ANKIB1: variants seen among roughly 807,000 people sequenced by gnomAD.
ANKIB1 encodes the protein ankyrin repeat and IBR domain containing 1.
A neutral mutation model predicts 122.1 loss-of-function variants in ANKIB1; 43 were observed. That is an observed-to-expected ratio of 0.35 (90% CI 0.28 to 0.45). ANKIB1 has a LOEUF of 0.45. ANKIB1 is among the 20% of genes least tolerant of loss of function. ANKIB1 has a pLI of 1.00. For missense variants in ANKIB1, 992 were observed against 1,329.5 expected (o/e 0.75, Z 3.95); for synonymous variants, 390 against 442.0 (o/e 0.88, Z 1.48).
chr7:92,354,725 A>G (rs1803750328), intron 9 of ANKIB1, among the ~76,000 whole-genome samples: 1 of 152,122 alleles, frequency 6.6e-6, no homozygotes, highest in Non-Finnish European at 1.5e-5. Flanking sequence ...TTCATATAGT[A>G]TAAAAGCTTT....
At chr7:92,319,051 T>C (rs1419372761) in intron 3 of ANKIB1, among the ~76,000 whole-genome samples, 2 of 152,156 alleles carry the variant, frequency 1.3e-5, no homozygotes, top group East Asian at 3.8e-4. Context: ...CTACACAAAA[T>C]GCTTAATTTC....
At chr7:92,300,579 CAAAT>C (rs1263531305) in intron 2 of ANKIB1, among the ~76,000 whole-genome samples, 2 of 151,596 alleles carry the variant, frequency 1.3e-5, no homozygotes, top group Non-Finnish European at 2.9e-5. Flanking sequence ...GTATAGTTGA[CAAAT>C]AAAAATTGTA....
In ANKIB1 at chr7:92,391,473, A is replaced by C. The variant is rs1804784286; in HGVS notation, c.2231+129A>C. 4.8e-6 allele frequency: 4 copies of C among 834,516 alleles called. No homozygotes were observed. In the East Asian group the frequency reaches 1.3e-4, roughly 27 times the overall value. 51.7% of individuals were successfully genotyped at this position (834,516 alleles called of 1,614,324 possible). On this transcript the variant is annotated intron_variant, in intron 16 of 19. Coordinates refer to ENST00000265742, the MANE Select transcript of ANKIB1 (RefSeq NM_019004.2). ...ACCTAAAATATGGATAGCTCATAAA[A>C]GTATGTTGACTTTTTTTGGTGATTT...
At chr7:92,319,299 G>T in intron 3 of ANKIB1, 31 bp from the exon 4 acceptor site, 1 of 1,438,964 alleles carries the variant, frequency 6.9e-7, no homozygotes, top group South Asian at 1.3e-5. Context: ...TGAACCTGTA[G>T]TTGCAAGTTT....
chr7:92,393,635 T>C (rs975468531), intron 17 of ANKIB1, among the ~76,000 whole-genome samples: 6 of 152,134 alleles, frequency 3.9e-5, no homozygotes, highest in African/African-American at 7.2e-5. Context: ...ACAGAAACTT[T>C]AGGAATCCTG....
chr7:92,325,339 G>A (rs976867286), intron 4 of ANKIB1, among the ~76,000 whole-genome samples: 2 of 152,236 alleles, frequency 1.3e-5, no homozygotes, highest in East Asian at 3.8e-4. Context: ...CTTCTCTGCA[G>A]AAGCTGCTGG....
At chr7:92,250,859 A>C (rs1801316075) in intron 1 of ANKIB1, among the ~76,000 whole-genome samples, 1 of 152,164 alleles carries the variant, frequency 6.6e-6, no homozygotes, top group African/African-American at 2.4e-5. Flanking sequence ...CAAAAGCCTT[A>C]TTTTTATCCT....
chr7:92,249,727 A>G (rs1239451016), intron 1 of ANKIB1, among the ~76,000 whole-genome samples: 1 of 152,108 alleles, frequency 6.6e-6, no homozygotes, highest in African/African-American at 2.4e-5. Context: ...CTCAAAAAAA[A>G]AAAAGAATAA....
chr7:92,272,036 A>G (rs2131893130), intron 1 of ANKIB1, among the ~76,000 whole-genome samples: 1 of 152,324 alleles, frequency 6.6e-6, no homozygotes, highest in Admixed American at 6.5e-5. Flanking sequence ...ATGAAGAGCT[A>G]GTGCTTAATG....
intron 4 of ANKIB1, among the ~76,000 whole-genome samples, chr7:92,321,140 AAAT>A (rs1257836819): frequency 1.3e-5 from 2 of 152,014 alleles, no homozygotes; most frequent in Non-Finnish European, 2.9e-5. Context: ...TTTGATTGAA[AAAT>A]AATAATTGTA....
chr7:92,313,516 G>A (rs1009303455), intron 3 of ANKIB1, among the ~76,000 whole-genome samples: 60 of 152,080 alleles, frequency 3.9e-4, no homozygotes, highest in African/African-American at 1.4e-3. Flanking sequence ...TCTCATTATT[G>A]TCCCTCAACT....
At chr7:92,334,748 T>A (rs1803250844) in intron 5 of ANKIB1, among the ~76,000 whole-genome samples, 1 of 151,972 alleles carries the variant, frequency 6.6e-6, no homozygotes, top group Non-Finnish European at 1.5e-5. Context: ...AATATACTTT[T>A]AAAAATTAAT....
Position 92,399,146 on chromosome 7 carries a change from A to G in ANKIB1, c.*197A>G. ...TTACAGGGAATTTCCTTTGTACTTA[A>G]TTGAATAGCTTTTCCCCTTTTTGCT... On this transcript the variant is annotated 3_prime_UTR_variant, in exon 20 of 20. Coordinates refer to ENST00000265742, the MANE Select transcript of ANKIB1 (RefSeq NM_019004.2). The G allele has an allele frequency of 2.1e-6, 1 of 475,548 alleles. No homozygotes were observed. The highest frequency in any genetic ancestry group is 3.4e-6 in the Non-Finnish European group (1 of 294,208). 29.5% of individuals were successfully genotyped at this position (475,548 alleles called of 1,614,324 possible).
intron 10 of ANKIB1, among the ~76,000 whole-genome samples, chr7:92,368,209 TA>T (rs1381857934): frequency 6.6e-6 from 1 of 151,866 alleles, no homozygotes; most frequent in African/African-American, 2.4e-5. Flanking sequence ...TTCACATGCA[TA>T]CATGTTGATT....
chr7:92,377,763 A>G (rs938341620), intron 11 of ANKIB1, among the ~76,000 whole-genome samples: 1 of 152,210 alleles, frequency 6.6e-6, no homozygotes, highest in African/African-American at 2.4e-5. Flanking sequence ...AACTGATCCT[A>G]GAAGAGATAG....
intron 1 of ANKIB1, among the ~76,000 whole-genome samples, chr7:92,251,954 C>A (rs1239288170): frequency 6.6e-6 from 1 of 152,052 alleles, no homozygotes; most frequent in Non-Finnish European, 1.5e-5. Flanking sequence ...CTCAGTTTTC[C>A]ATCTTTCATG....
intron 4 of ANKIB1, among the ~76,000 whole-genome samples, chr7:92,322,691 AAGTC>A (rs1401823076): frequency 2.6e-5 from 4 of 152,144 alleles, no homozygotes; most frequent in African/African-American, 4.8e-5. Flanking sequence ...CATCTCTCCT[AAGTC>A]AGAACATACA....
intron 1 of ANKIB1, among the ~76,000 whole-genome samples, chr7:92,264,574 C>CT (rs113478410): frequency 2.9e-4 from 43 of 148,662 alleles, no homozygotes; most frequent in Middle Eastern, 3.5e-3. Context: ...ATTTTTTTTT[C>CT]TTTTTTTTTG....
intron 19 of ANKIB1, 101 bp from the exon 20 acceptor site, chr7:92,398,111 A>G: frequency 7.8e-7 from 1 of 1,275,290 alleles, no homozygotes; most frequent in Non-Finnish European, 1.0e-6. Context: ...GTATAAATAA[A>G]ATTAATAATC....
Sources: allele counts gnomAD v4.1 joint callset (sites outside exome capture counted in the v4.1 genomes callset), GRCh38; gene constraint gnomAD v4.1.1; transcripts MANE v1.5; gene names NCBI Gene and HGNC (gene_info 2026-07-23, HGNC 2026-07-21).